The following ADAMTS17 variants were observed in gnomAD, a reference collection of about 807,000 sequenced individuals.
ADAMTS17 encodes the protein ADAM metallopeptidase with thrombospondin type 1 motif 17, also known as A disintegrin and metalloproteinase with thrombospondin motifs 17.
A neutral mutation model predicts 141.5 loss-of-function variants in ADAMTS17; 113 were observed. That is an observed-to-expected ratio of 0.80 (90% CI 0.69 to 0.93). The LOEUF is 0.93. ADAMTS17 is among the 40% of genes least tolerant of loss of function. The pLI, the probability that ADAMTS17 is intolerant of heterozygous loss-of-function variation, is 0.00. For missense variants in ADAMTS17, 1,659 were observed against 1,517.9 expected (o/e 1.09, Z -1.54); for synonymous variants, 768 against 630.6 (o/e 1.22, Z -3.27).
intron 7 of ADAMTS17, among the ~76,000 whole-genome samples, chr15:100,220,420 A>G (rs576047691): frequency 1.3e-5 from 2 of 152,316 alleles, no homozygotes; most frequent in Non-Finnish European, 2.9e-5. Flanking sequence ...AGAAAAGTAG[A>G]AATAACAGTA....
chr15:100,008,157 T>C (rs1234066260), intron 18 of ADAMTS17, among the ~76,000 whole-genome samples: 1 of 152,046 alleles, frequency 6.6e-6, no homozygotes, highest in Non-Finnish European at 1.5e-5. Context: ...GGTCTGATGC[T>C]TGCTGAGTGG....
chr15:100,094,851 T>G (rs1017775441), intron 15 of ADAMTS17, among the ~76,000 whole-genome samples: 1 of 152,160 alleles, frequency 6.6e-6, no homozygotes, highest in Non-Finnish European at 1.5e-5. Context: ...GGGGTACCAA[T>G]AGAGAAAATG....
chr15:100,317,067 T>G (rs2045588215), intron 3 of ADAMTS17, among the ~76,000 whole-genome samples: 1 of 152,172 alleles, frequency 6.6e-6, no homozygotes, highest in Admixed American at 6.5e-5. Flanking sequence ...CCCCAAAGGG[T>G]AATTACGAAT....
chr15:100,118,798 C>T (rs976205142), intron 12 of ADAMTS17, among the ~76,000 whole-genome samples: 13 of 152,132 alleles, frequency 8.5e-5, no homozygotes, highest in East Asian at 5.8e-4. Flanking sequence ...TGAGTCCCCA[C>T]GAGCGGGCAC....
chr15:99,982,470 G>A lies in ADAMTS17; in HGVS notation c.2950-6248C>T, dbSNP rs373415071. On this transcript the variant is annotated intron_variant, in intron 20 of 21. Transcript: ENST00000268070. Reference sequence around the variant, plus strand: ...AGGTCTGAAGGGGCTGCTGTTGAACGACACCCTCGTAACCTGAGCTGGGCC... The same window carrying A: ...AGGTCTGAAGGGGCTGCTGTTGAACAACACCCTCGTAACCTGAGCTGGGCC... Among the ~76,000 whole-genome samples, 172 of 152,294 alleles carry A rather than the reference G, an allele frequency of 1.1e-3. 1 individual carries two copies. Among genetic ancestry groups the A allele is most frequent in the Non-Finnish European group, 1.9e-3 (131 of 68,020 alleles).
chr15:100,313,219 C>A (rs2045459406), intron 3 of ADAMTS17, among the ~76,000 whole-genome samples: 1 of 152,034 alleles, frequency 6.6e-6, no homozygotes, highest in Non-Finnish European at 1.5e-5. Flanking sequence ...CACACACACA[C>A]AAAACAATAT....
chr15:100,101,821 G>C (rs2036120159), intron 14 of ADAMTS17, among the ~76,000 whole-genome samples: 1 of 152,166 alleles, frequency 6.6e-6, no homozygotes, highest in South Asian at 2.1e-4. Context: ...CAACTTATTA[G>C]CTATCTTCCA....
At chr15:100,145,293 C>T (rs2038847620) in intron 10 of ADAMTS17, among the ~76,000 whole-genome samples, 1 of 152,178 alleles carries the variant, frequency 6.6e-6, no homozygotes, top group African/African-American at 2.4e-5. Context: ...TTCTCAATTC[C>T]TACATATGAA....
At chr15:99,981,784 T>C (rs778250993) in intron 20 of ADAMTS17, among the ~76,000 whole-genome samples, 1 of 152,250 alleles carries the variant, frequency 6.6e-6, no homozygotes, top group Non-Finnish European at 1.5e-5. Flanking sequence ...GCTACTTATA[T>C]AATTAAAAAT....
chr15:100,327,461 G>C (rs926011000), intron 3 of ADAMTS17, among the ~76,000 whole-genome samples: 7 of 152,168 alleles, frequency 4.6e-5, no homozygotes, highest in Non-Finnish European at 8.8e-5. Context: ...TCAGCATGTT[G>C]CAGGATTCCT....
intron 20 of ADAMTS17, among the ~76,000 whole-genome samples, chr15:99,981,647 G>A (rs1196503276): frequency 1.3e-5 from 2 of 152,162 alleles, no homozygotes; most frequent in African/African-American, 4.8e-5. Flanking sequence ...AAACCACCCC[G>A]TTTTTGTTTA....
At chr15:100,139,007 GGC>G (rs1188508805) in intron 10 of ADAMTS17, among the ~76,000 whole-genome samples, 1 of 152,146 alleles carries the variant, frequency 6.6e-6, no homozygotes, top group Non-Finnish European at 1.5e-5. Context: ...GGGTATTTTG[GGC>G]GATGGACCTG....
chr15:100,019,508 A>G (rs1312008900), intron 18 of ADAMTS17, among the ~76,000 whole-genome samples: 1 of 152,210 alleles, frequency 6.6e-6, no homozygotes, highest in Non-Finnish European at 1.5e-5. Context: ...TCAGGCTGGT[A>G]TGTACTAACT....
chr15:100,164,145 G>A (rs949211892), intron 8 of ADAMTS17, among the ~76,000 whole-genome samples: 1 of 152,078 alleles, frequency 6.6e-6, no homozygotes, highest in East Asian at 1.9e-4. Context: ...TGCACTCCAG[G>A]GACACGTGCA....
chr15:100,292,221 G>GGGAATCACGAGAGACGCTCAGCCCGTGT lies in ADAMTS17; in HGVS notation c.617-10821_617-10820insACACGGGCTGAGCGTCTCTCGTGATTCC, dbSNP rs1567497179. On this transcript the variant is annotated intron_variant, in intron 3 of 21. Transcript: ENST00000268070. ...AATCACGAGACACGCTCACCCCGTG[G>GGGAATCACGAGAGACGCTCAGCCCGTGT]GGAATCACGAGAGACGCTCACCCCG... 7.9e-4 allele frequency among the ~76,000 whole-genome samples: 103 copies of GGGAATCACGAGAGACGCTCAGCCCGTGT among 129,588 alleles called. 2 individuals carry two copies. Among genetic ancestry groups the GGGAATCACGAGAGACGCTCAGCCCGTGT allele is most frequent in the East Asian group, 7.9e-3 (29 of 3,686 alleles). 85.0% of individuals were successfully genotyped at this position (129,588 alleles called of 152,430 possible).
chr15:100,138,377 A>T (rs1483695574), intron 10 of ADAMTS17, among the ~76,000 whole-genome samples: 1 of 152,268 alleles, frequency 6.6e-6, no homozygotes, highest in African/African-American at 2.4e-5. Flanking sequence ...CAGATACAGA[A>T]TTTATAGTAA....
At chr15:100,214,501 GT>G (rs143003609) in intron 7 of ADAMTS17, among the ~76,000 whole-genome samples, 26,206 of 151,928 alleles carry the variant, frequency 0.17, 2,409 homozygotes, top group Non-Finnish European at 0.2. Context: ...TGGTAATTAT[GT>G]TTTTTTAATT....
At chr15:100,275,230 C>T (rs2044040420) in intron 4 of ADAMTS17, among the ~76,000 whole-genome samples, 1 of 152,078 alleles carries the variant, frequency 6.6e-6, no homozygotes, top group South Asian at 2.1e-4. Flanking sequence ...TAGTGAAAGT[C>T]AGTGTTGATG....
At chr15:100,049,141 G>C in intron 17 of ADAMTS17, 149 bp from the exon 18 acceptor site, 1 of 1,240,200 alleles carries the variant, frequency 8.1e-7, no homozygotes, top group Non-Finnish European at 1.1e-6. Flanking sequence ...TGGGTTTTTA[G>C]AGAGGAAGAA....
Sources: allele counts gnomAD v4.1 joint callset (sites outside exome capture counted in the v4.1 genomes callset), GRCh38; gene constraint gnomAD v4.1.1; transcripts MANE v1.5; gene names NCBI Gene and HGNC (gene_info 2026-07-23, HGNC 2026-07-21).